Variants in NRP1 observed in about 807,000 individuals in gnomAD.
The protein encoded by NRP1 is neuropilin 1.
In NRP1, 35 loss-of-function variants were observed where a neutral mutation model predicts 106.7. The ratio of observed to expected loss-of-function variants is 0.33; its 90% confidence interval spans 0.25 to 0.43. The LOEUF (loss-of-function observed/expected upper bound fraction) is 0.43. Ranked by LOEUF, NRP1 falls within the 20% of genes least tolerant of loss-of-function variation. NRP1 has a pLI of 1.00. For missense variants in NRP1, 1,024 were observed against 1,170.4 expected (o/e 0.87, Z 1.83); for synonymous variants, 437 against 417.9 (o/e 1.05, Z -0.56).
chr10:33,285,833 A>AAAAAC (rs56400487), intron 2 of NRP1, among the ~76,000 whole-genome samples: 76,631 of 147,996 alleles, frequency 0.52, 19,998 homozygotes, highest in South Asian at 0.6. Context: ...ACTCCATCTC[A>AAAAAC]AAAACAAAAC....
intron 7 of NRP1, among the ~76,000 whole-genome samples, chr10:33,223,762 G>A (rs1839441718): frequency 6.6e-6 from 1 of 152,146 alleles, no homozygotes; most frequent in South Asian, 2.1e-4. Flanking sequence ...ATCAATCTGT[G>A]TGGGAGCATT....
chr10:33,234,120 T>C (rs998751313), intron 6 of NRP1, among the ~76,000 whole-genome samples: 7 of 152,216 alleles, frequency 4.6e-5, no homozygotes, highest in Non-Finnish European at 1.0e-4. Context: ...AGGCTAAAAT[T>C]ACCATTAATA....
At chr10:33,296,031 G>C (rs1208462082) in intron 2 of NRP1, among the ~76,000 whole-genome samples, 12 of 152,152 alleles carry the variant, frequency 7.9e-5, no homozygotes, top group Non-Finnish European at 1.8e-4. Flanking sequence ...GTTATGTTGG[G>C]ATTAGTGTGT....
In NRP1 at chr10:33,207,561, A is replaced by T. The variant is rs761661852; in HGVS notation, c.1759+11T>A. ...AAACGCATGAGAAGTAACTCTGGAGATCATAATTACCTTCCACTTCACAGC... is the reference window on the plus strand; with the variant it reads ...AAACGCATGAGAAGTAACTCTGGAGTTCATAATTACCTTCCACTTCACAGC... On this transcript the variant is annotated intron_variant, in intron 10 of 16. Coordinates refer to ENST00000374867, the MANE Select transcript of NRP1 (RefSeq NM_003873.7). 4 of 1,613,780 alleles carry T rather than the reference A, an allele frequency of 2.5e-6. No homozygotes were observed. Among genetic ancestry groups the T allele is most frequent in the Non-Finnish European group, 3.4e-6 (4 of 1,179,834 alleles).
At chr10:33,295,766 T>C (rs1845342007) in intron 2 of NRP1, among the ~76,000 whole-genome samples, 1 of 152,198 alleles carries the variant, frequency 6.6e-6, no homozygotes, top group Non-Finnish European at 1.5e-5. Context: ...ATTAGATCAT[T>C]TGGCCTGTTA....
intron 6 of NRP1, among the ~76,000 whole-genome samples, chr10:33,247,960 C>A (rs563350699): frequency 2.0e-5 from 3 of 152,326 alleles, no homozygotes; most frequent in South Asian, 2.1e-4. Context: ...GGTCAACTGA[C>A]CTCACTTTGT....
In NRP1 at chr10:33,223,349, G is replaced by A. The variant is rs545848672; in HGVS notation, c.1138-1486C>T. Among the ~76,000 whole-genome samples, 18 of 152,244 alleles carry A rather than the reference G, an allele frequency of 1.2e-4. No homozygotes were observed. In the Middle Eastern group the frequency reaches 0.014, roughly 115 times the overall value. On this transcript the variant is annotated intron_variant, in intron 7 of 16. Coordinates refer to ENST00000374867, the MANE Select transcript of NRP1 (RefSeq NM_003873.7). ...TACAGAGTTGGTTGTGGCTGGGTGT[G>A]GTGGCTCATGCCAGTAATTCCAAAA...
rs146824300 is a variant in NRP1 at position 33,269,647 on chromosome 10, G to A, written c.430+1028C>T. On this transcript the variant is annotated intron_variant, in intron 3 of 16. Transcript: ENST00000374867. ...CTGTTAGGAACTTAGCCACACAGCA[G>A]GAGGCGAGTGGCAGGCGAGCAAAGT... is the stretch of plus-strand genomic sequence containing the variant. Among the ~76,000 whole-genome samples the A allele has an allele frequency of 1.6e-3, 248 of 152,290 alleles. 1 individual carries two copies. The highest frequency in any genetic ancestry group is 4.4e-3 in the African/African-American group (183 of 41,562).
chr10:33,196,681 GA>G (rs1836810330), intron 12 of NRP1, among the ~76,000 whole-genome samples: 1 of 152,156 alleles, frequency 6.6e-6, no homozygotes, highest in Admixed American at 6.5e-5. Context: ...GGTTAAGTTT[GA>G]CCAAAGAGAA....
intron 11 of NRP1, chr10:33,201,117 T>A (rs1401143967): frequency 6.6e-6 from 1 of 152,210 alleles, no homozygotes; most frequent in African/African-American, 2.4e-5. Context: ...AGCAAAACCT[T>A]ATAGTTTTGA....
At chr10:33,284,860 A>G (rs541477670) in intron 2 of NRP1, among the ~76,000 whole-genome samples, 20 of 152,334 alleles carry the variant, frequency 1.3e-4, no homozygotes, top group African/African-American at 4.6e-4. Flanking sequence ...CATAATACCT[A>G]TGGAATCAGT....
chr10:33,198,599 C>A (rs1836982590), intron 11 of NRP1, among the ~76,000 whole-genome samples: 1 of 152,130 alleles, frequency 6.6e-6, no homozygotes, highest in African/African-American at 2.4e-5. Flanking sequence ...TCTGAAAAAG[C>A]AAAGCCACCT....
chr10:33,261,166 A>C (rs890126585), intron 4 of NRP1, among the ~76,000 whole-genome samples: 2 of 152,182 alleles, frequency 1.3e-5, no homozygotes, highest in African/African-American at 4.8e-5. Context: ...CCATAGTTTA[A>C]AACATGCGTA....
intron 4 of NRP1, among the ~76,000 whole-genome samples, chr10:33,258,365 C>T (rs1842344650): frequency 1.3e-5 from 2 of 152,240 alleles, no homozygotes; most frequent in Admixed American, 6.5e-5. Flanking sequence ...GATAATTTTT[C>T]GATGTGTTGA....
chr10:33,308,581 G>A (rs762890607), intron 2 of NRP1, among the ~76,000 whole-genome samples: 54 of 151,860 alleles, frequency 3.6e-4, no homozygotes, highest in Admixed American at 1.4e-3. Context: ...CTGCCTCCCG[G>A]GTTCAAGTGA....
intron 2 of NRP1, among the ~76,000 whole-genome samples, chr10:33,272,177 G>GA (rs1456971367): frequency 2.3e-4 from 35 of 152,232 alleles, no homozygotes; most frequent in Middle Eastern, 3.4e-3. Flanking sequence ...CTGCAACGAT[G>GA]CTATCACTAG....
chr10:33,202,723 T>G, intron 11 of NRP1, 168 bp downstream of exon 11: 2 of 1,554,146 alleles, frequency 1.3e-6, no homozygotes, highest in Non-Finnish European at 1.7e-6. Context: ...AACTCATCTA[T>G]CCAGATGACA....
In NRP1 at chr10:33,210,191, C is replaced by CT. The variant is rs79402007; in HGVS notation, c.1615-2476dup. 5.1e-3 allele frequency among the ~76,000 whole-genome samples: 713 copies of CT among 140,128 alleles called. 5 individuals are homozygous for CT. The highest frequency in any genetic ancestry group is 0.015 in the African/African-American group (564 of 38,818). 91.9% of individuals were successfully genotyped at this position (140,128 alleles called of 152,430 possible). ...GGCCTGCCTCTTCCAATTAAAATTTCTTTTTTTTTTTTTATCAAGAGTAAA... is the reference window on the plus strand; with the variant it reads ...GGCCTGCCTCTTCCAATTAAAATTTCTTTTTTTTTTTTTTATCAAGAGTAAA... On this transcript the variant is annotated intron_variant, in intron 9 of 16. Coordinates refer to ENST00000374867, the MANE Select transcript of NRP1 (RefSeq NM_003873.7).
chr10:33,304,339 T>C (rs929375703), intron 2 of NRP1, among the ~76,000 whole-genome samples: 1 of 152,146 alleles, frequency 6.6e-6, no homozygotes, highest in African/African-American at 2.4e-5. Flanking sequence ...AAGAAGACAA[T>C]GGGGAGGAAA....
Sources: gnomAD v4.1 joint callset for allele counts (sites outside exome capture counted in the v4.1 genomes callset) on GRCh38, gnomAD v4.1.1 for gene constraint, MANE v1.5 for transcripts, NCBI Gene and HGNC (gene_info 2026-07-23, HGNC 2026-07-21) for gene names.